The following KCNN2 variants were observed in gnomAD, a reference collection of about 807,000 sequenced individuals.
KCNN2 encodes potassium calcium-activated channel subfamily N member 2, also known as small conductance calcium-activated potassium channel protein 2.
In KCNN2, 24 loss-of-function variants were observed where a neutral mutation model predicts 55.5. The observed-to-expected ratio is 0.43, with a 90% CI of 0.31 to 0.61. KCNN2 has a LOEUF of 0.61. Ranked by LOEUF, KCNN2 falls within the 20% of genes least tolerant of loss-of-function variation. KCNN2 has a pLI of 0.08. For missense variants in KCNN2, 754 were observed against 853.6 expected (o/e 0.88, Z 1.45); for synonymous variants, 431 against 336.1 (o/e 1.28, Z -3.09).
intron 5 of KCNN2, among the ~76,000 whole-genome samples, chr5:114,482,130 C>T (rs1175256705): frequency 1.3e-5 from 2 of 152,038 alleles, no homozygotes; most frequent in East Asian, 1.9e-4. Flanking sequence ...GCAATCTGTC[C>T]ATCTGACAAA....
At chr5:114,279,733 T>C (rs1755580766) in intron 2 of KCNN2, among the ~76,000 whole-genome samples, 1 of 152,164 alleles carries the variant, frequency 6.6e-6, no homozygotes, top group African/African-American at 2.4e-5. Flanking sequence ...AAGTCTTTGC[T>C]ATTGTGAATA....
intron 1 of KCNN2, among the ~76,000 whole-genome samples, chr5:114,157,791 G>T (rs948709800): frequency 6.6e-6 from 1 of 151,754 alleles, no homozygotes; most frequent in African/African-American, 2.4e-5. Context: ...TTTTTTGGCT[G>T]CATAAATGTC....
chr5:114,271,766 A>T (rs531481409), intron 2 of KCNN2, among the ~76,000 whole-genome samples: 80 of 152,294 alleles, frequency 5.3e-4, no homozygotes, highest in African/African-American at 1.7e-3. Flanking sequence ...TCAGTCCAAC[A>T]TAGTGGTTAG....
intron 2 of KCNN2, among the ~76,000 whole-genome samples, chr5:114,289,146 A>G (rs181293666): frequency 1.3e-5 from 2 of 152,220 alleles, no homozygotes; most frequent in East Asian, 1.9e-4. Flanking sequence ...TTGAAAATGT[A>G]TTAGTAATAG....
At chr5:114,257,739 A>C (rs1028542559) in intron 2 of KCNN2, among the ~76,000 whole-genome samples, 1 of 152,124 alleles carries the variant, frequency 6.6e-6, no homozygotes. Context: ...TCAGATATAG[A>C]AGTTTTTTGG....
At chr5:114,177,958 G>T (rs767585100) in intron 1 of KCNN2, among the ~76,000 whole-genome samples, 1 of 152,096 alleles carries the variant, frequency 6.6e-6, no homozygotes, top group African/African-American at 2.4e-5. Context: ...AGAAACCTGT[G>T]TTACGCCTGT....
intron 2 of KCNN2, among the ~76,000 whole-genome samples, chr5:114,376,557 C>T (rs1046933847): frequency 6.6e-6 from 1 of 152,224 alleles, no homozygotes; most frequent in African/African-American, 2.4e-5. Flanking sequence ...ACGATAGGCT[C>T]AGATGCCCTT....
At chr5:114,484,056 G>C (rs995445356) in intron 5 of KCNN2, among the ~76,000 whole-genome samples, 2 of 152,134 alleles carry the variant, frequency 1.3e-5, no homozygotes, top group Non-Finnish European at 2.9e-5. Flanking sequence ...TCCTTTGGTT[G>C]ATAAATACGT....
At chr5:114,263,952 C>T (rs1755160543) in intron 2 of KCNN2, among the ~76,000 whole-genome samples, 2 of 152,316 alleles carry the variant, frequency 1.3e-5, no homozygotes, top group South Asian at 2.1e-4. Flanking sequence ...CAAATGCAAG[C>T]AAGGCTCTCT....
chr5:114,439,043 T>A (rs2416370), intron 3 of KCNN2, among the ~76,000 whole-genome samples: 150,523 of 152,336 alleles, frequency 0.99, 74,377 homozygotes, highest in East Asian at 1. Context: ...AAAGGAAAAA[T>A]GTACAGTACA....
chr5:114,197,344 G>T (rs1357416686), intron 1 of KCNN2, among the ~76,000 whole-genome samples: 6 of 152,110 alleles, frequency 3.9e-5, no homozygotes, highest in Non-Finnish European at 4.4e-5. Flanking sequence ...AGTTCTAGTT[G>T]GTTTATAGAA....
intron 2 of KCNN2, among the ~76,000 whole-genome samples, chr5:114,398,951 A>G (rs1000801454): frequency 1.8e-4 from 27 of 152,302 alleles, no homozygotes; most frequent in Non-Finnish European, 3.7e-4. Flanking sequence ...TGCAGAGACT[A>G]TGGAGTTTTC....
rs1757468167 is a variant in KCNN2 at position 114,362,697 on chromosome 5, C to G, written c.558C>G (p.His186Gln). The change falls in exon 1 of 8, where the codon CAC becomes CAG. Residue 186 changes from histidine (H) to glutamine (Q), a missense_variant. Physicochemically the swap from His to Gln is conservative, Grantham distance 24. Around this residue, in one of 4 missense-constraint regions of KCNN2, gnomAD observed 381 missense variants for 259.1 expected, o/e 1.47. Transcript: ENST00000673685. ...CCGGGCCCCCGCTCTCGCACCACCA[C>G]CACCACCCGCACCCGGCGCACCACC... ...LGSGPPLSHHHHHPHPAHHQH... is the reference protein window; with the variant it reads ...LGSGPPLSHHQHHPHPAHHQH... 2.0e-6 allele frequency: 3 copies of G among 1,481,244 alleles called. No individual in the cohort carries two copies. The highest frequency in any genetic ancestry group is 2.7e-6 in the Non-Finnish European group (3 of 1,125,080). 91.8% of individuals were successfully genotyped at this position (1,481,244 alleles called of 1,614,324 possible).
intron 2 of KCNN2, among the ~76,000 whole-genome samples, chr5:114,376,946 T>A (rs549403189): frequency 6.6e-6 from 1 of 152,156 alleles, no homozygotes; most frequent in African/African-American, 2.4e-5. Context: ...ATGAAACACT[T>A]AGCTGGGCGT....
At chr5:114,361,130 T>C (rs1416272010), upstream of KCNN2, 1 of 152,086 alleles carries the variant, frequency 6.6e-6, no homozygotes, top group Non-Finnish European at 1.5e-5. Context: ...CATCCCCTCA[T>C]GTTCTGGAGA....
chr5:114,285,283 C>CAAAAAAAA (rs70976334), intron 2 of KCNN2, among the ~76,000 whole-genome samples: 1 of 56,288 alleles, frequency 1.8e-5, no homozygotes, highest in Non-Finnish European at 3.0e-5. Context: ...ACTCCATCTC[C>CAAAAAAAA]AAAAAAAAAA....
At chr5:114,321,664 G>T (rs186655308) in intron 2 of KCNN2, among the ~76,000 whole-genome samples, 2,828 of 142,418 alleles carry the variant, frequency 0.02, 107 homozygotes, top group African/African-American at 0.069. Context: ...TTTTTTTTTT[G>T]TTGTTGTTTG....
At chr5:114,083,947 C>T (rs1750958542) in intron 1 of KCNN2, among the ~76,000 whole-genome samples, 1 of 151,990 alleles carries the variant, frequency 6.6e-6, no homozygotes, top group African/African-American at 2.4e-5. Context: ...CCTTTTCAGT[C>T]TGGGTTCTTT....
chr5:114,149,675 T>C (rs1482608967), intron 1 of KCNN2, among the ~76,000 whole-genome samples: 3 of 152,132 alleles, frequency 2.0e-5, no homozygotes. Flanking sequence ...GAATTTAAAA[T>C]ATAGTGTGTG....
Sources: allele counts gnomAD v4.1 joint callset (sites outside exome capture counted in the v4.1 genomes callset), GRCh38; gene constraint gnomAD v4.1.1; regional missense constraint gnomAD v4.1.1; transcripts MANE v1.5; gene names NCBI Gene and HGNC (gene_info 2026-07-23, HGNC 2026-07-21).